Variants in TMEM117 observed in about 807,000 individuals in gnomAD.
The protein encoded by TMEM117 is transmembrane protein 117.
In TMEM117, 27 loss-of-function variants were observed where a neutral mutation model predicts 52.4. That is an observed-to-expected ratio of 0.51 (90% CI 0.38 to 0.71). The LOEUF (loss-of-function observed/expected upper bound fraction) is 0.71. Among genes scored for constraint, TMEM117 ranks in the 30% least tolerant of loss-of-function variants. The pLI is 0.00. For missense variants in TMEM117, 556 were observed against 630.5 expected (o/e 0.88, Z 1.26); for synonymous variants, 215 against 206.3 (o/e 1.04, Z -0.36).
chr12:44,021,428 G>A (rs1946454471), intron 3 of TMEM117, among the ~76,000 whole-genome samples: 1 of 152,172 alleles, frequency 6.6e-6, no homozygotes, highest in Non-Finnish European at 1.5e-5. Context: ...CCATGTTCCT[G>A]TGTATAGTGT....
intron 3 of TMEM117, among the ~76,000 whole-genome samples, chr12:44,041,251 C>A (rs1395160932): frequency 1.6e-5 from 2 of 124,376 alleles, no homozygotes; most frequent in Non-Finnish European, 3.3e-5. Context: ...CCCCTCCCCC[C>A]ACCCCACAAC....
intron 3 of TMEM117, among the ~76,000 whole-genome samples, chr12:44,002,872 A>C (rs1946137508): frequency 6.6e-6 from 1 of 152,168 alleles, no homozygotes; most frequent in Admixed American, 6.5e-5. Flanking sequence ...AGCCAGGGAC[A>C]GGACTTTGTA....
intron 3 of TMEM117, among the ~76,000 whole-genome samples, chr12:44,007,167 C>G (rs1565789627): frequency 6.6e-6 from 1 of 152,096 alleles, no homozygotes. Context: ...CAAAACTATA[C>G]CTAAGCATAT....
chr12:44,044,504 T>C (rs541059448), intron 3 of TMEM117, among the ~76,000 whole-genome samples: 8 of 152,280 alleles, frequency 5.3e-5, no homozygotes, highest in Non-Finnish European at 7.4e-5. Context: ...GGAAGTGGTA[T>C]ATACGTGATA....
chr12:44,244,870 T>C (rs1289151453), intron 5 of TMEM117, among the ~76,000 whole-genome samples: 1 of 152,044 alleles, frequency 6.6e-6, no homozygotes, highest in Non-Finnish European at 1.5e-5. Context: ...GACTTTTGTA[T>C]ATGAGGTGAG....
At chr12:43,900,343 C>T (rs890278626) in intron 2 of TMEM117, among the ~76,000 whole-genome samples, 2 of 151,926 alleles carry the variant, frequency 1.3e-5, no homozygotes, top group Non-Finnish European at 2.9e-5. Flanking sequence ...GGAAAATTAC[C>T]CATTAATTTA....
At chr12:44,183,482 G>A (rs932908570) in intron 4 of TMEM117, among the ~76,000 whole-genome samples, 1 of 152,126 alleles carries the variant, frequency 6.6e-6, no homozygotes, top group African/African-American at 2.4e-5. Context: ...TTTTTGCCTG[G>A]TTCCTGCACA....
intron 2 of TMEM117, among the ~76,000 whole-genome samples, chr12:43,935,773 A>G (rs1180929670): frequency 3.3e-5 from 5 of 152,240 alleles, no homozygotes; most frequent in African/African-American, 1.2e-4. Context: ...AGCTCTTTCT[A>G]TAATCCCAGA....
downstream of TMEM117, among the ~76,000 whole-genome samples, chr12:44,390,323 A>G (rs1040309682): frequency 6.6e-6 from 1 of 152,064 alleles, no homozygotes; most frequent in African/African-American, 2.4e-5. Context: ...AACACTAGCT[A>G]TTACTAAATT....
At chr12:44,289,574 A>G (rs1328719366) in intron 5 of TMEM117, among the ~76,000 whole-genome samples, 1 of 123,340 alleles carries the variant, frequency 8.1e-6, no homozygotes, top group Non-Finnish European at 1.6e-5. Flanking sequence ...TTTTTTTGAG[A>G]CAGAGTCTCC....
At chr12:44,201,759 T>TTTGGTTGTA (rs1949498576) in intron 4 of TMEM117, among the ~76,000 whole-genome samples, 1 of 152,162 alleles carries the variant, frequency 6.6e-6, no homozygotes, top group Non-Finnish European at 1.5e-5. Context: ...AAATAAGCAA[T>TTTGGTTGTA]TTGGTTGTAG....
chr12:43,838,324 C>G lies in TMEM117; in HGVS notation c.-29+2128C>G, dbSNP rs117939826. On this transcript the variant is annotated intron_variant, in intron 1 of 7. Transcript: ENST00000266534. The stretch of plus-strand genomic sequence containing the variant: ...AGTAAGTATAAGACTTTTCATACCC[C>G]TTGTGGGCTCTGCCTCTCCCCACCC... 4.6e-3 allele frequency among the ~76,000 whole-genome samples: 692 copies of G among 151,910 alleles called. 14 individuals carry two copies. In the East Asian group the frequency reaches 0.054, roughly 12 times the overall value.
intron 2 of TMEM117, among the ~76,000 whole-genome samples, chr12:43,913,563 A>T (rs1233233214): frequency 1.3e-5 from 2 of 152,162 alleles, no homozygotes; most frequent in Non-Finnish European, 2.9e-5. Context: ...GAAACTGGGG[A>T]CAGAGAGAGG....
chr12:44,217,695 T>C (rs1214537742), intron 5 of TMEM117, among the ~76,000 whole-genome samples: 1 of 152,166 alleles, frequency 6.6e-6, no homozygotes, highest in African/African-American at 2.4e-5. Flanking sequence ...TAAAACCTGA[T>C]TATAATGGCT....
intron 2 of TMEM117, among the ~76,000 whole-genome samples, chr12:43,869,172 T>C (rs1259146099): frequency 6.6e-6 from 1 of 152,168 alleles, no homozygotes; most frequent in Admixed American, 6.5e-5. Context: ...AGCTATATAT[T>C]TATATAAGAA....
chr12:43,889,964 T>G (rs1452472302), intron 2 of TMEM117, among the ~76,000 whole-genome samples: 2 of 152,096 alleles, frequency 1.3e-5, no homozygotes, highest in Non-Finnish European at 2.9e-5. Flanking sequence ...CACAGGGAGC[T>G]CTGAAACTAG....
intron 3 of TMEM117, chr12:44,009,753 G>A (rs1946259340): frequency 7.7e-6 from 2 of 260,606 alleles, no homozygotes; most frequent in Admixed American, 4.0e-5. Flanking sequence ...GTTTGACCAG[G>A]TTCTCTCTGC....
At chr12:44,053,065 T>C (rs1947000510) in intron 3 of TMEM117, among the ~76,000 whole-genome samples, 1 of 152,134 alleles carries the variant, frequency 6.6e-6, no homozygotes, top group South Asian at 2.1e-4. Context: ...TGACACCAAC[T>C]GGGTGTCCTA....
chr12:44,216,924 C>T (rs563103559), intron 5 of TMEM117, among the ~76,000 whole-genome samples: 2 of 152,196 alleles, frequency 1.3e-5, no homozygotes, highest in South Asian at 4.2e-4. Flanking sequence ...GATGGGGTAT[C>T]TCTTAATCAT....
Sources: gnomAD v4.1 joint callset for allele counts (sites outside exome capture counted in the v4.1 genomes callset) on GRCh38, gnomAD v4.1.1 for gene constraint, MANE v1.5 for transcripts, NCBI Gene and HGNC (gene_info 2026-07-23, HGNC 2026-07-21) for gene names.